The following MRPS6 variants were observed in gnomAD, a reference collection of about 807,000 sequenced individuals.
The protein encoded by MRPS6 is small ribosomal subunit protein bS6m.
Under a neutral mutation model 13.1 loss-of-function variants are expected in MRPS6, and 6 were observed. That is an observed-to-expected ratio of 0.46 (90% CI 0.25 to 0.91). MRPS6 has a LOEUF of 0.91. MRPS6 is among the 40% of genes least tolerant of loss of function. The probability of loss-of-function intolerance (pLI) is 0.18; values close to 1 mark genes in which losing one functional copy is unlikely to be tolerated. For synonymous variants in MRPS6, 61 were observed against 56.5 expected (o/e 1.08, Z -0.36); for missense variants, 164 against 155.6 (o/e 1.05, Z -0.29).
intron 1 of MRPS6, chr21:34,103,311 G>C: frequency 2.3e-6 from 2 of 866,242 alleles, no homozygotes; most frequent in Non-Finnish European, 2.7e-6. Flanking sequence ...ACTAGTGAAG[G>C]AAGTAAAAAA....
rs987329240 is a variant in MRPS6, at chr21:34,074,628, C to T, written c.45+883C>T. ...CTCCTCAAGTCGTCGCCGAAATCCC[C>T]ATTCTCCCGTGAATTCGGAATTCGG... On this transcript the variant is annotated intron_variant, in intron 1 of 2. Coordinates refer to ENST00000399312, the MANE Select transcript of MRPS6 (RefSeq NM_032476.4). Among the ~76,000 whole-genome samples, 45 of 152,228 alleles carry T rather than the reference C, an allele frequency of 3.0e-4. 1 individual carries two copies. Among genetic ancestry groups the T allele is most frequent in the Admixed American group, 2.6e-3 (39 of 15,284 alleles).
At chr21:34,117,948 A>G (rs922294091) in intron 1 of MRPS6, among the ~76,000 whole-genome samples, 2 of 152,190 alleles carry the variant, frequency 1.3e-5, no homozygotes, top group Non-Finnish European at 2.9e-5. Flanking sequence ...TAGTTAATAT[A>G]TTAACTTAAG....
Position 34,142,396 on chromosome 21 carries a change from A to G in MRPS6, c.186-12A>G. ...CAAATGCAGACACTCACAAGTTTTT[A>G]TTTTATTGCAGGTATTTCTTGGTGG... On this transcript the variant is annotated splice_polypyrimidine_tract_variant and intron_variant, in intron 2 of 2. Coordinates refer to ENST00000399312, the MANE Select transcript of MRPS6 (RefSeq NM_032476.4). 6.4e-7 allele frequency: 1 copy of G among 1,554,424 alleles called. No homozygotes were observed. The highest frequency in any genetic ancestry group is 8.7e-7 in the Non-Finnish European group (1 of 1,153,882).
intron 1 of MRPS6, chr21:34,095,778 A>G (rs949104392): frequency 7.4e-6 from 12 of 1,613,866 alleles, no homozygotes; most frequent in Admixed American, 1.7e-5. Flanking sequence ...GCTCATGATC[A>G]TTGGGGCACT....
intron 1 of MRPS6, among the ~76,000 whole-genome samples, chr21:34,083,912 T>C (rs540430421): frequency 1.7e-4 from 26 of 152,370 alleles, no homozygotes; most frequent in African/African-American, 6.0e-4. Flanking sequence ...TTTCTTGTCA[T>C]CTGGCATACA....
chr21:34,118,019 T>C (rs1399307287), intron 1 of MRPS6, among the ~76,000 whole-genome samples: 2 of 152,314 alleles, frequency 1.3e-5, no homozygotes, highest in African/African-American at 4.8e-5. Flanking sequence ...AAGCCTGACC[T>C]GTGAATCTGC....
intron 1 of MRPS6, among the ~76,000 whole-genome samples, chr21:34,107,874 C>G (rs1456740585): frequency 2.6e-5 from 4 of 152,190 alleles, no homozygotes; most frequent in African/African-American, 7.2e-5. Context: ...TGTCATTTCC[C>G]TGCCTCAGTC....
intron 2 of MRPS6, among the ~76,000 whole-genome samples, chr21:34,130,931 T>G (rs543281535): frequency 6.6e-6 from 1 of 152,198 alleles, no homozygotes; most frequent in Non-Finnish European, 1.5e-5. Context: ...ACCTTTAAAA[T>G]GTAAACACTG....
chr21:34,131,512 G>A (rs1442624919), intron 2 of MRPS6, among the ~76,000 whole-genome samples: 1 of 152,112 alleles, frequency 6.6e-6, no homozygotes, highest in Non-Finnish European at 1.5e-5. Context: ...GAGGATGCAG[G>A]GAGCGGGCAT....
chr21:34,079,617 T>C (rs1287804766), intron 1 of MRPS6, among the ~76,000 whole-genome samples: 1 of 141,782 alleles, frequency 7.1e-6, no homozygotes, highest in African/African-American at 2.6e-5. Flanking sequence ...TTTTTTTTTT[T>C]TTTTTTTTTT....
chr21:34,121,932 G>GT (rs1395134948), intron 1 of MRPS6, among the ~76,000 whole-genome samples: 1 of 152,188 alleles, frequency 6.6e-6, no homozygotes, highest in African/African-American at 2.4e-5. Flanking sequence ...CCTGCAGTGA[G>GT]TTGAACAGCT....
Position 34,125,432 on chromosome 21 carries a change from C to T in MRPS6, c.137C>T (p.Ala46Val), listed in dbSNP as rs61742994. 1.3e-4 allele frequency: 202 copies of T among 1,614,022 alleles called. No homozygotes were observed. The African/African-American group carries it at 2.0e-3, about 16-fold the overall frequency. Residue 46 changes from alanine (A) to valine (V), a missense_variant, in exon 2 of 3, where the codon GCG (alanine) becomes GTG (valine). Physicochemically the swap from Ala to Val is moderately conservative, Grantham distance 64. Transcript: ENST00000399312. ...VRDLENLGER[A>V]LPYRISAHSQ... ...GACTTGGAAAACCTGGGTGAACGAG[C>T]GCTTCCTTATAGGATCTCTGCCCAC...
chr21:34,125,379 C>T lies in MRPS6; in HGVS notation c.84C>T (p.Ala28=). ...CTACTTTGAAACGTACGATAGAGGC[C>T]CTGATGGACAGAGGAGCAATAGTGA... ...TAATLKRTIE[A]LMDRGAIVRD... is the part of the protein sequence containing the mutation. The change falls in exon 2 of 3, where the codon GCC becomes GCT. Residue 28 remains alanine, a synonymous_variant. Transcript: ENST00000399312. 6.2e-7 allele frequency: 1 copy of T among 1,613,802 alleles called. No homozygotes were observed. Among genetic ancestry groups the T allele is most frequent in the Non-Finnish European group, 8.5e-7 (1 of 1,179,884 alleles).
chr21:34,100,231 C>CT (rs749894375), intron 1 of MRPS6: 2 of 1,000,178 alleles, frequency 2.0e-6, no homozygotes, highest in Non-Finnish European at 2.4e-6. Flanking sequence ...AGTTCTTAGA[C>CT]TTTTGTCTTC....
intron 2 of MRPS6, among the ~76,000 whole-genome samples, chr21:34,129,011 C>T (rs749557915): frequency 6.6e-6 from 1 of 152,162 alleles, no homozygotes; most frequent in Non-Finnish European, 1.5e-5. Context: ...ATTACCTCCC[C>T]TTTGTGTCTG....
chr21:34,082,850 T>C (rs910904999), intron 1 of MRPS6, among the ~76,000 whole-genome samples: 5 of 152,242 alleles, frequency 3.3e-5, no homozygotes, highest in Non-Finnish European at 7.3e-5. Flanking sequence ...TGACTTGTTT[T>C]GCTTCCCCTT....
rs189108895 is a variant in MRPS6 at position 34,100,481 on chromosome 21, G to T, written c.46-24860G>T. ...CATCAAGCAATAGCAATGGTGCTGT[G>T]TCCTTCGGCCTAAATTCAATAGATC... On this transcript the variant is annotated intron_variant, in intron 1 of 2. Coordinates refer to ENST00000399312, the MANE Select transcript of MRPS6 (RefSeq NM_032476.4). The T allele has an allele frequency of 2.6e-5, 26 of 1,000,186 alleles. No homozygotes were observed. In the East Asian group the frequency reaches 2.5e-3, roughly 96 times the overall value. The allele number at this position is 1,000,186 out of a possible 1,614,324, so 62.0% of individuals were successfully genotyped here.
intron 1 of MRPS6, among the ~76,000 whole-genome samples, chr21:34,109,100 C>T (rs1352731381): frequency 6.6e-6 from 1 of 152,092 alleles, no homozygotes; most frequent in African/African-American, 2.4e-5. Flanking sequence ...TTGAGTTTTT[C>T]AATTTTAAGA....
At chr21:34,124,561 C>T (rs963724541) in intron 1 of MRPS6, 4 of 150,722 alleles carry the variant, frequency 2.7e-5, no homozygotes, top group African/African-American at 4.9e-5. Flanking sequence ...CAGTGTATAC[C>T]CGTCTATCTC....
Sources: allele counts gnomAD v4.1 joint callset (sites outside exome capture counted in the v4.1 genomes callset), GRCh38; gene constraint gnomAD v4.1.1; transcripts MANE v1.5; gene names NCBI Gene and HGNC (gene_info 2026-07-23, HGNC 2026-07-21).